Variants in KAT7 observed in about 807,000 individuals in gnomAD.
KAT7 encodes the protein histone acetyltransferase KAT7.
A neutral mutation model predicts 82.1 loss-of-function variants in KAT7; 10 were observed. The ratio of observed to expected loss-of-function variants is 0.12; its 90% CI spans 0.08 to 0.21. The LOEUF (loss-of-function observed/expected upper bound fraction) is 0.21, where lower values mean the gene tolerates loss of function less well. KAT7 is among the 10% of genes least tolerant of loss of function. The pLI is 1.00. For synonymous variants in KAT7, 250 were observed against 262.5 expected (o/e 0.95, Z 0.46); for missense variants, 378 against 760.9 (o/e 0.50, Z 5.92).
At chr17:49,822,764 C>T (rs2074321694) in intron 11 of KAT7, among the ~76,000 whole-genome samples, 1 of 152,040 alleles carries the variant, frequency 6.6e-6, no homozygotes, top group Non-Finnish European at 1.5e-5. Flanking sequence ...TTGGACGTTT[C>T]CTACAAGTGG....
chr17:49,827,175 A>G (rs115653973), intron 14 of KAT7: 1 of 544,744 alleles, frequency 1.8e-6, no homozygotes, highest in African/African-American at 1.9e-5. Context: ...TCATATATAC[A>G]ATAAAGGTCG....
chr17:49,824,898 T>G (rs2074350895), intron 12 of KAT7, among the ~76,000 whole-genome samples: 1 of 152,124 alleles, frequency 6.6e-6, no homozygotes, highest in South Asian at 2.1e-4. Context: ...TATTTTGGTA[T>G]CTCTAAAAGA....
At chr17:49,816,053 T>G in intron 8 of KAT7, 140 bp downstream of exon 8, 2 of 591,260 alleles carry the variant, frequency 3.4e-6, no homozygotes, top group East Asian at 5.7e-5. Flanking sequence ...CAGCTGTCCC[T>G]TTTTGGAGAC....
At chr17:49,808,702 T>TGGGATTA (rs2074124161) in intron 5 of KAT7, among the ~76,000 whole-genome samples, 1 of 152,184 alleles carries the variant, frequency 6.6e-6, no homozygotes, top group Non-Finnish European at 1.5e-5. Flanking sequence ...TCTGCCCGCC[T>TGGGATTA]CAGCCTCCCA....
intron 4 of KAT7, among the ~76,000 whole-genome samples, chr17:49,804,392 A>T (rs1218614013): frequency 6.6e-6 from 1 of 152,002 alleles, no homozygotes; most frequent in Non-Finnish European, 1.5e-5. Flanking sequence ...AAAAAAAAAA[A>T]GAAAAATACA....
chr17:49,794,322 G>A (rs1056386226), intron 2 of KAT7, among the ~76,000 whole-genome samples: 3 of 152,274 alleles, frequency 2.0e-5, no homozygotes, highest in African/African-American at 7.2e-5. Flanking sequence ...ATCTCGCTCT[G>A]TCGCCCAGGC....
At chr17:49,791,690 T>G (rs965686909) in intron 1 of KAT7, among the ~76,000 whole-genome samples, 196 bp from the exon 2 acceptor site, 2 of 152,136 alleles carry the variant, frequency 1.3e-5, no homozygotes, top group African/African-American at 4.8e-5. Context: ...ATTCCCTATT[T>G]GTAGGTTGTT....
At position 49,830,192 on chromosome 17, in the gene KAT7, TTTTTTTTTTTTTTTTTAA is replaced by T. The variant is rs1331365133; in HGVS notation, c.*2691_*2708del. The T allele has an allele frequency of 7.2e-6, 1 of 138,368 alleles. No individual in the cohort carries two copies. Among genetic ancestry groups the T allele is most frequent in the Non-Finnish European group, 1.5e-5 (1 of 65,670 alleles). 8.6% of individuals were successfully genotyped at this position (138,368 alleles called of 1,614,324 possible). A position where few individuals can be genotyped will look rare whatever the true frequency, so the allele number is the denominator to read the frequency against. ...TGCACCCGACCTATTTTTTTTTTTT[TTTTTTTTTTTTTTTTTAA>T]AAAAAGACAGTCTCACTCTATCATC... On this transcript the variant is annotated 3_prime_UTR_variant, in exon 15 of 15. Transcript: ENST00000259021.
chr17:49,814,711 A>C (rs1165361987), intron 7 of KAT7, among the ~76,000 whole-genome samples: 1 of 152,072 alleles, frequency 6.6e-6, no homozygotes, highest in Non-Finnish European at 1.5e-5. Context: ...GACTTTTTTC[A>C]AGCTTTTTTT....
intron 1 of KAT7, among the ~76,000 whole-genome samples, chr17:49,790,939 G>T (rs1023510624): frequency 6.6e-6 from 1 of 152,144 alleles, no homozygotes; most frequent in African/African-American, 2.4e-5. Flanking sequence ...ATTGATAAAA[G>T]TTATCTTTAT....
At chr17:49,811,595 T>G in intron 7 of KAT7, 21 bp downstream of exon 7, 4 of 1,225,832 alleles carry the variant, frequency 3.3e-6, no homozygotes, top group Non-Finnish European at 4.5e-6. Flanking sequence ...GTTAAATATT[T>G]AATGAGCATG....
chr17:49,822,616 C>T (rs551663200), intron 11 of KAT7, among the ~76,000 whole-genome samples: 4 of 152,200 alleles, frequency 2.6e-5, no homozygotes, highest in South Asian at 4.1e-4. Flanking sequence ...TGAAAGGGTA[C>T]AATTTAGTGG....
chr17:49,799,996 G>T (rs533833110), intron 4 of KAT7, among the ~76,000 whole-genome samples: 43 of 146,802 alleles, frequency 2.9e-4, no homozygotes, highest in African/African-American at 1.0e-3. Context: ...AATTAATTTG[G>T]ATTGTTTCCT....
chr17:49,822,725 GTTC>G (rs777327528), intron 11 of KAT7, among the ~76,000 whole-genome samples: 7 of 152,046 alleles, frequency 4.6e-5, no homozygotes, highest in Non-Finnish European at 7.4e-5. Flanking sequence ...ATCCCTCTCA[GTTC>G]TTCTTTCTCT....
At chr17:49,821,627 G>A in intron 10 of KAT7, 23 bp from the exon 11 acceptor site, 1 of 1,612,334 alleles carries the variant, frequency 6.2e-7, no homozygotes, top group Non-Finnish European at 8.5e-7. Context: ...GCCCACACAT[G>A]AACTCTGTTT....
intron 14 of KAT7, chr17:49,827,066 T>C (rs544081234): frequency 3.7e-5 from 16 of 437,430 alleles, no homozygotes; most frequent in African/African-American, 2.6e-4. Context: ...ATTTCTGTCA[T>C]TTGATGTTTT....
Position 49,805,464 on chromosome 17 carries a change from A to G in KAT7, c.663+19A>G. On this transcript the variant is annotated intron_variant, in intron 5 of 14. Transcript: ENST00000259021. ...ATGCAAGGTAATTGTGCTCTCATTT[A>G]TTCAACACATGCTTATTGAGTGCTT... 6.4e-7 allele frequency: 1 copy of G among 1,559,374 alleles called. No homozygotes were observed.
Position 49,834,905 on chromosome 17 carries a change from G to A in KAT7, c.*7403G>A, listed in dbSNP as rs964420519. On this transcript the variant is annotated 3_prime_UTR_variant, in exon 15 of 15. Transcript: ENST00000259021. ...CGTAGTGCCAGCTACTCAGGAGGCTGAGGTAGGAGGATCACCTGAGCCCAG... is the reference window on the plus strand; with the variant it reads ...CGTAGTGCCAGCTACTCAGGAGGCTAAGGTAGGAGGATCACCTGAGCCCAG... The A allele has an allele frequency of 7.9e-5, 12 of 152,284 alleles. No homozygotes were observed. Among genetic ancestry groups the A allele is most frequent in the Admixed American group, 2.6e-4 (4 of 15,260 alleles). 9.4% of individuals were successfully genotyped at this position (152,284 alleles called of 1,614,324 possible). A position where few individuals can be genotyped will look rare whatever the true frequency, so the allele number is the denominator to read the frequency against.
intron 9 of KAT7, 73 bp downstream of exon 9, chr17:49,818,084 C>T (rs548318161): frequency 2.2e-5 from 28 of 1,255,376 alleles, no homozygotes; most frequent in African/African-American, 2.1e-4. Flanking sequence ...TTTGCCATAG[C>T]GATGGCATCT....
Sources: gnomAD v4.1 joint callset for allele counts (sites outside exome capture counted in the v4.1 genomes callset) on GRCh38, gnomAD v4.1.1 for gene constraint, MANE v1.5 for transcripts, NCBI Gene and HGNC (gene_info 2026-07-23, HGNC 2026-07-21) for gene names.